PRKN: variants seen among roughly 807,000 people sequenced by gnomAD.
PRKN encodes the protein E3 ubiquitin-protein ligase parkin.
Under a neutral mutation model 59.5 loss-of-function variants are expected in PRKN, and 56 were observed. The ratio of observed to expected loss-of-function variants is 0.94; its 90% CI spans 0.76 to 1.18. PRKN has a LOEUF of 1.18. Among genes scored for constraint, PRKN ranks in the 50% most tolerant of loss-of-function variants. The pLI, the probability that PRKN is intolerant of heterozygous loss-of-function variation, is 0.00. For synonymous variants in PRKN, 250 were observed against 222.1 expected (o/e 1.13, Z -1.12); for missense variants, 657 against 596.4 (o/e 1.10, Z -1.06).
chr6:162,287,542 C>T (rs1229501194), intron 2 of PRKN, among the ~76,000 whole-genome samples: 5 of 151,940 alleles, frequency 3.3e-5, no homozygotes, highest in East Asian at 1.9e-4. Flanking sequence ...CACTCCAGCC[C>T]GGGCAACAGA....
At chr6:162,045,144 T>G (rs976441245) in intron 5 of PRKN, among the ~76,000 whole-genome samples, 17 of 152,210 alleles carry the variant, frequency 1.1e-4, no homozygotes, top group African/African-American at 4.1e-4. Flanking sequence ...TTGTGAAGTC[T>G]TCTCTACTCG....
intron 9 of PRKN, among the ~76,000 whole-genome samples, chr6:161,439,724 C>A (rs1357487839): frequency 6.6e-6 from 1 of 151,942 alleles, no homozygotes; most frequent in Admixed American, 6.6e-5. Flanking sequence ...TTGCTTACTG[C>A]GCATCTGAAC....
At chr6:161,993,904 CT>C (rs1460209493) in intron 5 of PRKN, among the ~76,000 whole-genome samples, 1 of 152,074 alleles carries the variant, frequency 6.6e-6, no homozygotes, top group Non-Finnish European at 1.5e-5. Context: ...GTGCCAGGCT[CT>C]TTTTTAAACA....
At chr6:162,225,125 G>A (rs1012843827) in intron 3 of PRKN, among the ~76,000 whole-genome samples, 1 of 152,202 alleles carries the variant, frequency 6.6e-6, no homozygotes, top group Non-Finnish European at 1.5e-5. Context: ...GCAACACGTG[G>A]TGAGAGCACA....
In PRKN at chr6:161,442,135, A is replaced by G. The variant is rs1386578251; in HGVS notation, c.1084-55258T>C. Among the ~76,000 whole-genome samples, 1 of 152,194 alleles carries G rather than the reference A, an allele frequency of 6.6e-6. No homozygotes were observed. Among genetic ancestry groups the G allele is most frequent in the Non-Finnish European group, 1.5e-5 (1 of 68,038 alleles). The stretch of plus-strand genomic sequence containing the variant: ...ACATACATGTGCCAAGCTGGCTCTG[A>G]ATTATTTAAAATTACAGCAGTCAGA... On this transcript the variant is annotated intron_variant, in intron 9 of 11. Transcript: ENST00000366898. This position sits in a 1 kb window ranked among gnomAD's most constrained non-coding sequence, Gnocchi z 4.6.
At chr6:162,312,677 A>T (rs1407466728) in intron 2 of PRKN, among the ~76,000 whole-genome samples, 1 of 152,148 alleles carries the variant, frequency 6.6e-6, no homozygotes, top group African/African-American at 2.4e-5. Flanking sequence ...CATTTACATA[A>T]GTGGTTCTTG....
intron 4 of PRKN, among the ~76,000 whole-genome samples, chr6:162,086,431 C>T (rs1779249149): frequency 6.6e-6 from 1 of 152,118 alleles, no homozygotes. Context: ...ACACCTTTTT[C>T]ACCAATGGAG....
chr6:161,831,264 G>A lies in PRKN; in HGVS notation c.735-45356C>T, dbSNP rs73601080. Among the ~76,000 whole-genome samples, 71 of 152,314 alleles carry A rather than the reference G, an allele frequency of 4.7e-4. No individual in the cohort carries two copies. In the Middle Eastern group the frequency reaches 0.01, roughly 22 times the overall value. ...ACAATGAAATAAAAATAAAAGCCCT[G>A]TATTAAGAACTGACCTCTATCCCAA... is the stretch of plus-strand genomic sequence containing the variant. On this transcript the variant is annotated intron_variant, in intron 6 of 11. Transcript: ENST00000366898.
rs186164282 is a variant in PRKN at position 162,398,650 on chromosome 6, A to G, written c.171+44660T>C. 4.0e-3 allele frequency among the ~76,000 whole-genome samples: 608 copies of G among 152,290 alleles called. 4 individuals are homozygous for G. Among genetic ancestry groups the G allele is most frequent in the African/African-American group, 0.014 (587 of 41,562 alleles). On this transcript the variant is annotated intron_variant, in intron 2 of 11. Coordinates refer to ENST00000366898, the MANE Select transcript of PRKN (RefSeq NM_004562.3). ...GGTGATCCACCCGCCTCAGCCTCCC[A>G]AAGTGCTGGGATTACAGGCGTGAGG...
intron 9 of PRKN, among the ~76,000 whole-genome samples, chr6:161,506,631 G>C (rs1252719120): frequency 6.6e-6 from 1 of 152,218 alleles, no homozygotes; most frequent in African/African-American, 2.4e-5. Flanking sequence ...GACAAGTGCA[G>C]AAAGGAGGAT....
At chr6:162,109,776 T>G (rs747245679) in intron 4 of PRKN, among the ~76,000 whole-genome samples, 2 of 152,230 alleles carry the variant, frequency 1.3e-5, no homozygotes, top group Non-Finnish European at 2.9e-5. Flanking sequence ...ATACAAAGAT[T>G]GCTTTTTATT....
Position 161,456,191 on chromosome 6 carries a change from G to A in PRKN, c.1084-69314C>T, listed in dbSNP as rs561633994. On this transcript the variant is annotated intron_variant, in intron 9 of 11. Coordinates refer to ENST00000366898, the MANE Select transcript of PRKN (RefSeq NM_004562.3). The surrounding 1 kb of genome is among the most constrained non-coding windows in gnomAD (Gnocchi z 4.8). ...AACATTTGAGTCAGTGGGACTGGGA[G>A]AGGCAGACCCACCCTCAGTCAGGAT... Among the ~76,000 whole-genome samples the A allele has an allele frequency of 3.9e-4, 60 of 152,278 alleles. No individual in the cohort carries two copies. Among genetic ancestry groups the A allele is most frequent in the African/African-American group, 1.2e-3 (51 of 41,572 alleles).
At chr6:162,131,445 T>C (rs929984579) in intron 4 of PRKN, among the ~76,000 whole-genome samples, 9 of 152,236 alleles carry the variant, frequency 5.9e-5, no homozygotes, top group Non-Finnish European at 5.9e-5. Flanking sequence ...AAAGCAACAT[T>C]TGTTATCTTA....
chr6:162,185,677 A>G (rs1783998961), intron 4 of PRKN, among the ~76,000 whole-genome samples: 2 of 152,298 alleles, frequency 1.3e-5, no homozygotes, highest in South Asian at 2.1e-4. Context: ...TCCTGATACC[A>G]TGAGATGGAA....
intron 4 of PRKN, among the ~76,000 whole-genome samples, chr6:162,189,498 A>G (rs879837361): frequency 1.3e-5 from 2 of 150,746 alleles, no homozygotes; most frequent in Non-Finnish European, 3.0e-5. Context: ...GCCTACCATT[A>G]ATTTACTTCA....
chr6:161,600,527 T>C (rs1435268952), intron 7 of PRKN, among the ~76,000 whole-genome samples: 2 of 152,216 alleles, frequency 1.3e-5, no homozygotes, highest in African/African-American at 2.4e-5. Flanking sequence ...TATGTCTTTA[T>C]TGATATACCC....
intron 2 of PRKN, among the ~76,000 whole-genome samples, chr6:162,401,381 T>C (rs1360196954): frequency 6.6e-6 from 1 of 151,996 alleles, no homozygotes; most frequent in African/African-American, 2.4e-5. Flanking sequence ...GAAAATACCA[T>C]AATCTGAAAA....
At chr6:162,049,874 G>A (rs1240356200) in intron 5 of PRKN, among the ~76,000 whole-genome samples, 2 of 152,082 alleles carry the variant, frequency 1.3e-5, no homozygotes, top group Admixed American at 6.5e-5. Flanking sequence ...CGAATCGGAC[G>A]CGTCCTTCCT....
At chr6:162,030,850 C>A (rs897431805) in intron 5 of PRKN, among the ~76,000 whole-genome samples, 1 of 152,166 alleles carries the variant, frequency 6.6e-6, no homozygotes. Flanking sequence ...CTATCAAGAG[C>A]AGATTCTTCA....
Sources: allele counts gnomAD v4.1 joint callset (sites outside exome capture counted in the v4.1 genomes callset), GRCh38; gene constraint gnomAD v4.1.1; non-coding constraint Gnocchi (gnomAD v3.1); transcripts MANE v1.5; gene names NCBI Gene and HGNC (gene_info 2026-07-23, HGNC 2026-07-21).